Variants in NDUFV1 observed in about 807,000 individuals in gnomAD.
NDUFV1 encodes NADH dehydrogenase [ubiquinone] flavoprotein 1, mitochondrial.
Under a neutral mutation model 48.7 loss-of-function variants are expected in NDUFV1, and 41 were observed. The observed-to-expected ratio is 0.84, with a 90% CI of 0.66 to 1.09. The LOEUF is 1.09. Ranked by LOEUF, NDUFV1 falls within the 50% of genes least tolerant of loss-of-function variation. The pLI, the probability that NDUFV1 is intolerant of heterozygous loss-of-function variation, is 0.00. For synonymous variants in NDUFV1, 231 were observed against 259.1 expected, an observed-to-expected ratio of 0.89 and a Z score of 1.04; for missense variants, 580 against 645.4, an observed-to-expected ratio of 0.90 and a Z score of 1.10.
intron 4 of NDUFV1, 56 bp downstream of exon 4, chr11:67,609,691 C>T (rs1854877666): frequency 1.3e-6 from 2 of 1,567,288 alleles, no homozygotes; most frequent in Admixed American, 3.3e-5. Context: ...ACTCACACAC[C>T]CCTCACCCAG....
Position 67,611,682 on chromosome 11 carries a change from G to C in NDUFV1, c.1080+113G>C. ...TCAGGTCTCAGTTCCTGCAGCCTGA[G>C]ATAAAGCAAGGTGGAAGAGGAGGGA... On this transcript the variant is annotated intron_variant, in intron 7 of 9. Coordinates refer to ENST00000322776, the MANE Select transcript of NDUFV1 (RefSeq NM_007103.4). This position sits in a 1 kb window ranked among gnomAD's most constrained non-coding sequence, Gnocchi z 4.2. The C allele has an allele frequency of 5.3e-6, 8 of 1,495,356 alleles. No homozygotes were observed. The highest frequency in any genetic ancestry group is 7.3e-6 in the Non-Finnish European group (8 of 1,103,062). The allele number at this position is 1,495,356 out of a possible 1,614,324, so 92.6% of individuals were successfully genotyped here.
At chr11:67,610,807 G>A in intron 5 of NDUFV1, 188 bp from the exon 6 acceptor site, 1 of 774,710 alleles carries the variant, frequency 1.3e-6, no homozygotes, top group South Asian at 1.7e-5. Flanking sequence ...CCTGTTCTGA[G>A]GCTAAGGGCA....
rs1565224926 is a variant in NDUFV1, at chr11:67,609,556, TG to T, written c.437del (p.Gly146AlafsTer36). Reference protein sequence around the residue: ...DPHKLLEGCLVGGRAMGARAA... With the variant: ...DPHKLLEGCLXGGRAMGARAA... Reference sequence around the variant, plus strand: ...CACAAGCTGCTGGAAGGCTGCCTGGTGGGGGGCCGGGCCATGGGCGCCCGCG... The same window carrying T: ...CACAAGCTGCTGGAAGGCTGCCTGGTGGGGGCCGGGCCATGGGCGCCCGCG... On this transcript the variant is annotated frameshift_variant, in exon 4 of 10. Transcript: ENST00000322776. LOFTEE classifies it high-confidence loss of function. 6.2e-7 allele frequency: 1 copy of T among 1,613,122 alleles called. No individual in the cohort carries two copies.
Position 67,610,411 on chromosome 11 carries a change from C to A in NDUFV1, c.541C>A (p.Leu181Met). 6.2e-7 allele frequency: 1 copy of A among 1,614,144 alleles called. No homozygotes were observed. Among genetic ancestry groups the A allele is most frequent in the South Asian group, 1.1e-5 (1 of 91,076 alleles). ...VAIREAYEAG[L>M]IGKNACGSGY... is the part of the protein sequence containing the mutation. ...CATCCGAGAGGCCTATGAGGCAGGT[C>A]TGATTGGCAAGAATGCTTGTGGCTC... The change falls in exon 5 of 10, where the codon CTG (leucine) becomes ATG (methionine). Residue 181 changes from leucine to methionine, a missense_variant. Leu to Met is a conservative substitution (Grantham distance 15, BLOSUM62 2). Coordinates refer to ENST00000322776, the MANE Select transcript of NDUFV1 (RefSeq NM_007103.4).
Position 67,608,732 on chromosome 11 carries a change from T to TG in NDUFV1, c.326+15dup. 1 of 1,613,138 alleles carries TG rather than the reference T, an allele frequency of 6.2e-7. No individual in the cohort carries two copies. Among genetic ancestry groups the TG allele is most frequent in the East Asian group, 2.2e-5 (1 of 44,864 alleles). ...AGCCCTCAGATGGCAGGTGTGTGTG[T>TG]GGGGGCGGGGCAGATGTGGCTGTGG... On this transcript the variant is annotated intron_variant, in intron 3 of 9. Coordinates refer to ENST00000322776, the MANE Select transcript of NDUFV1 (RefSeq NM_007103.4).
chr11:67,612,101 C>G lies in NDUFV1; in HGVS notation c.1163-19C>G, dbSNP rs2134086276. The G allele has an allele frequency of 6.2e-7, 1 of 1,613,588 alleles. No homozygotes were observed. Among genetic ancestry groups the G allele is most frequent in the Non-Finnish European group, 8.5e-7 (1 of 1,179,998 alleles). The stretch of plus-strand genomic sequence containing the variant: ...GGCTGGGGAGATCATCAGGCCCTCT[C>G]TTGTGGCTGTGGCTGCAGGTGTGGA... On this transcript the variant is annotated intron_variant, in intron 8 of 9. Transcript: ENST00000322776. This position sits in a 1 kb window ranked among gnomAD's most constrained non-coding sequence, Gnocchi z 4.4.
chr11:67,612,342 T>G lies in NDUFV1; in HGVS notation c.1309-30T>G. ...AGGGTGTTGGGGGATTTTTGGACTC[T>G]GTTTCACATGGTCCCCCCACCGACC... On this transcript the variant is annotated intron_variant, in intron 9 of 9. Coordinates refer to ENST00000322776, the MANE Select transcript of NDUFV1 (RefSeq NM_007103.4). The surrounding 1 kb of genome is among the most constrained non-coding windows in gnomAD (Gnocchi z 4.4). The G allele has an allele frequency of 3.1e-6, 5 of 1,613,878 alleles. No individual in the cohort carries two copies. Among genetic ancestry groups the G allele is most frequent in the Non-Finnish European group, 4.2e-6 (5 of 1,179,928 alleles).
rs1282179335 is a variant in NDUFV1 at position 67,611,427 on chromosome 11, ACCT to A, written c.942_944del (p.Leu315del). On this transcript the variant is annotated inframe_deletion, in exon 7 of 10. Transcript: ENST00000322776. This position sits in a 1 kb window ranked among gnomAD's most constrained non-coding sequence, Gnocchi z 4.2. ...GGGGGTGTCACGGGCGGCTGGGACA[ACCT>A]CCTTGCTGTGATCCCTGGCGGCTCG... is the stretch of plus-strand genomic sequence containing the variant. The A allele has an allele frequency of 1.2e-6, 2 of 1,613,784 alleles. No individual in the cohort carries two copies. The highest frequency in any genetic ancestry group is 8.5e-7 in the Non-Finnish European group (1 of 1,179,988).
In NDUFV1 at chr11:67,612,101, CT is replaced by C. The variant is rs773819216; in HGVS notation, c.1163-17del. The C allele has an allele frequency of 1.2e-5, 20 of 1,613,470 alleles. No homozygotes were observed. In the Admixed American group the frequency reaches 3.3e-4, roughly 27 times the overall value. ...GGCTGGGGAGATCATCAGGCCCTCT[CT>C]TGTGGCTGTGGCTGCAGGTGTGGAC... On this transcript the variant is annotated intron_variant, in intron 8 of 9. Coordinates refer to ENST00000322776, the MANE Select transcript of NDUFV1 (RefSeq NM_007103.4). The surrounding 1 kb of genome is among the most constrained non-coding windows in gnomAD (Gnocchi z 4.4).
intron 4 of NDUFV1, 116 bp from the exon 5 acceptor site, chr11:67,610,265 C>G: frequency 1.6e-6 from 2 of 1,234,050 alleles, no homozygotes; most frequent in Non-Finnish European, 2.4e-6. Flanking sequence ...ATTTTTTATA[C>G]CAGGAGCATT....
chr11:67,610,952 C>T (rs749531825), intron 5 of NDUFV1, 43 bp from the exon 6 acceptor site: 30 of 1,602,662 alleles, frequency 1.9e-5, no homozygotes, highest in Non-Finnish European at 2.5e-5. Context: ...GAAACTTGCC[C>T]CACCCCCTAG....
chr11:67,611,377 C>G lies in NDUFV1; in HGVS notation c.914-26C>G, dbSNP rs1245368795. On this transcript the variant is annotated intron_variant, in intron 6 of 9. Coordinates refer to ENST00000322776, the MANE Select transcript of NDUFV1 (RefSeq NM_007103.4). This position sits in a 1 kb window ranked among gnomAD's most constrained non-coding sequence, Gnocchi z 4.2. Reference sequence around the variant, plus strand: ...CGGCCCCAGCCCTGACCATGCATCCCTTTGGGGACCGACTTGGGGCCCCAG... The same window carrying G: ...CGGCCCCAGCCCTGACCATGCATCCGTTTGGGGACCGACTTGGGGCCCCAG... The G allele has an allele frequency of 1.1e-5, 17 of 1,612,026 alleles. No homozygotes were observed. Among genetic ancestry groups the G allele is most frequent in the Non-Finnish European group, 1.4e-5 (16 of 1,179,574 alleles).
chr11:67,611,241 T>A lies in NDUFV1; in HGVS notation c.913+34T>A. On this transcript the variant is annotated intron_variant, in intron 6 of 9. Coordinates refer to ENST00000322776, the MANE Select transcript of NDUFV1 (RefSeq NM_007103.4). This position sits in a 1 kb window ranked among gnomAD's most constrained non-coding sequence, Gnocchi z 4.2. ...TGGGGCCAGCCAGGTGGTGGGGGGG[T>A]GCGCAGTGGGGGCAGGTGTCCACAA... 1 of 1,285,904 alleles carries A rather than the reference T, an allele frequency of 7.8e-7. No individual in the cohort carries two copies. Among genetic ancestry groups the A allele is most frequent in the Non-Finnish European group, 1.1e-6 (1 of 889,614 alleles). The allele number at this position is 1,285,904 out of a possible 1,614,324, so 79.7% of individuals were successfully genotyped here.
intron 1 of NDUFV1, 69 bp from the exon 2 acceptor site, chr11:67,608,327 C>G: frequency 1.4e-6 from 2 of 1,450,596 alleles, no homozygotes; most frequent in Non-Finnish European, 9.7e-7. Context: ...ACCCAAGATT[C>G]TGTAGCTTCT....
rs73490571 is a variant in NDUFV1, at chr11:67,609,316, C to A, written c.327-136C>A. On this transcript the variant is annotated intron_variant, in intron 3 of 9. Transcript: ENST00000322776. ...TGGTGAGCAAGCAGAGCCCCTGGGACATGTTGGGAGGGCAGTAAAGGATTG... is the reference window on the plus strand; with the variant it reads ...TGGTGAGCAAGCAGAGCCCCTGGGAAATGTTGGGAGGGCAGTAAAGGATTG... 0.01 allele frequency: 8,871 copies of A among 846,670 alleles called. 542 individuals carry two copies. The African/African-American group carries it at 0.13, about 13-fold the overall frequency. The allele number at this position is 846,670 out of a possible 1,614,324, so 52.4% of individuals were successfully genotyped here.
In NDUFV1 at chr11:67,610,465, C is replaced by A. The variant is rs201289242; in HGVS notation, c.595C>A (p.Arg199Ser). The A allele has an allele frequency of 1.9e-6, 3 of 1,614,156 alleles. No homozygotes were observed. Among genetic ancestry groups the A allele is most frequent in the Non-Finnish European group, 1.7e-6 (2 of 1,180,026 alleles). ...SGYDFDVFVV[R>S]GAGAYICGEE... is the part of the protein sequence containing the mutation. ...CTATGATTTTGACGTGTTTGTGGTG[C>A]GCGGGGCTGGGGCCTACATCTGTGG... The change falls in exon 5 of 10, where the codon CGC (arginine) becomes AGC (serine). Residue 199 changes from arginine to serine, a missense_variant. Arg to Ser is a moderately radical substitution (Grantham distance 110, BLOSUM62 -1). Transcript: ENST00000322776.
At chr11:67,609,676 T>C (rs1196494240) in intron 4 of NDUFV1, 41 bp downstream of exon 4, 1 of 1,591,132 alleles carries the variant, frequency 6.3e-7, no homozygotes, top group East Asian at 2.2e-5. Flanking sequence ...AGGTGTTCAG[T>C]GTGCACTCAC....
intron 3 of NDUFV1, 87 bp downstream of exon 3, chr11:67,608,809 T>G: frequency 5.7e-6 from 9 of 1,577,674 alleles, no homozygotes; most frequent in Non-Finnish European, 7.7e-6. Flanking sequence ...GCTCTTTCCT[T>G]AGAAACTTAG....
In NDUFV1 at chr11:67,608,489, G is replaced by C. The variant is rs759176008; in HGVS notation, c.155+11G>C. 6.2e-7 allele frequency: 1 copy of C among 1,614,170 alleles called. No individual in the cohort carries two copies. Among genetic ancestry groups the C allele is most frequent in the Non-Finnish European group, 8.5e-7 (1 of 1,180,026 alleles). On this transcript the variant is annotated intron_variant, in intron 2 of 9. Transcript: ENST00000322776. ...CCGCCATGACTGGAGGTGAGACAGT[G>C]CCCTTAGTGTGTTGGGTCCCGGAGC...
Sources: allele counts gnomAD v4.1 joint callset, GRCh38; gene constraint gnomAD v4.1.1; non-coding constraint Gnocchi (gnomAD v3.1); transcripts MANE v1.5; gene names NCBI Gene and HGNC (gene_info 2026-07-23, HGNC 2026-07-21).